The following CALN1 variants were observed in gnomAD, a reference collection of about 807,000 sequenced individuals.
The protein encoded by CALN1 is calcium-binding protein 8.
Under a neutral mutation model 30.6 loss-of-function variants are expected in CALN1, and 17 were observed. That is an observed-to-expected ratio of 0.56 (90% CI 0.38 to 0.83). The LOEUF is 0.83. Ranked by LOEUF, CALN1 falls within the 40% of genes least tolerant of loss-of-function variation. The pLI is 0.00. For missense variants in CALN1, 291 were observed against 354.9 expected (o/e 0.82, Z 1.45); for synonymous variants, 156 against 131.4 (o/e 1.19, Z -1.28).
chr7:72,068,332 C>A (rs192646840), intron 4 of CALN1, among the ~76,000 whole-genome samples: 16 of 152,264 alleles, frequency 1.1e-4, no homozygotes, highest in Admixed American at 7.8e-4. Flanking sequence ...CTAATATTTT[C>A]TTTTTATACC....
At chr7:72,166,168 G>C (rs1788510266) in intron 3 of CALN1, among the ~76,000 whole-genome samples, 1 of 152,130 alleles carries the variant, frequency 6.6e-6, no homozygotes, top group Non-Finnish European at 1.5e-5. Flanking sequence ...CTCAGGAGGT[G>C]AAGGTGTTTT....
chr7:72,074,522 C>T (rs1804605831), intron 4 of CALN1, among the ~76,000 whole-genome samples: 1 of 152,202 alleles, frequency 6.6e-6, no homozygotes, highest in Admixed American at 6.5e-5. Context: ...ATTCTCCTGC[C>T]TCAGCCTCCT....
chr7:71,955,161 C>T (rs1447152682), intron 5 of CALN1, among the ~76,000 whole-genome samples: 1 of 151,968 alleles, frequency 6.6e-6, no homozygotes, highest in Non-Finnish European at 1.5e-5. Context: ...TGGCGGCAGG[C>T]AGGAGAGAGT....
chr7:72,322,120 G>T (rs922634382), intron 2 of CALN1, among the ~76,000 whole-genome samples: 2 of 152,124 alleles, frequency 1.3e-5, no homozygotes, highest in Non-Finnish European at 2.9e-5. Context: ...CCATCATGTA[G>T]AATCAGTGGG....
intron 5 of CALN1, among the ~76,000 whole-genome samples, chr7:71,922,005 T>C (rs1443803762): frequency 6.6e-6 from 1 of 152,168 alleles, no homozygotes; most frequent in Non-Finnish European, 1.5e-5. Context: ...TCTTACTGAG[T>C]GGCCGTTATG....
intron 3 of CALN1, among the ~76,000 whole-genome samples, chr7:72,213,390 G>A (rs1792549384): frequency 6.6e-6 from 1 of 152,160 alleles, no homozygotes; most frequent in Non-Finnish European, 1.5e-5. Flanking sequence ...GGTCAGAGAA[G>A]GCACATCTAC....
intron 4 of CALN1, among the ~76,000 whole-genome samples, chr7:72,066,645 T>C (rs1039340190): frequency 5.9e-5 from 9 of 152,128 alleles, no homozygotes; most frequent in Non-Finnish European, 1.2e-4. Flanking sequence ...CAGGGTCTCT[T>C]TCTGTCAATC....
At chr7:71,928,562 C>T (rs1385914410) in intron 5 of CALN1, among the ~76,000 whole-genome samples, 1 of 151,976 alleles carries the variant, frequency 6.6e-6, no homozygotes, top group African/African-American at 2.4e-5. Context: ...ATACAGAATG[C>T]CATTACTTTT....
rs927938029 is a variant in CALN1, at chr7:71,781,841, T to C, written c.*5934A>G. Reference sequence around the variant, plus strand: ...ACCCCAAGGTCAGGGTAGGGGCAGGTGGCCGGGCAAGCTTTTCCACTTTCA... The same window carrying C: ...ACCCCAAGGTCAGGGTAGGGGCAGGCGGCCGGGCAAGCTTTTCCACTTTCA... On this transcript the variant is annotated 3_prime_UTR_variant, in exon 7 of 7. Coordinates refer to ENST00000395275, the MANE Select transcript of CALN1 (RefSeq NM_031468.4). 2.0e-5 allele frequency: 3 copies of C among 152,158 alleles called. No homozygotes were observed. Among genetic ancestry groups the C allele is most frequent in the African/African-American group, 7.2e-5 (3 of 41,440 alleles). The allele number at this position is 152,158 out of a possible 1,614,324, so 9.4% of individuals were successfully genotyped here.
intron 5 of CALN1, among the ~76,000 whole-genome samples, chr7:71,986,174 A>G (rs1425013200): frequency 1.3e-5 from 2 of 151,974 alleles, no homozygotes; most frequent in African/African-American, 4.8e-5. Flanking sequence ...CAGCCTCCCG[A>G]GCAGCTGGGA....
chr7:71,924,711 T>C (rs1795170173), intron 5 of CALN1, among the ~76,000 whole-genome samples: 1 of 152,204 alleles, frequency 6.6e-6, no homozygotes, highest in South Asian at 2.1e-4. Context: ...ATGATGTCTA[T>C]CTTCAAATAA....
At chr7:72,398,688 AAAG>A (rs1806134157) in intron 2 of CALN1, among the ~76,000 whole-genome samples, 1 of 152,340 alleles carries the variant, frequency 6.6e-6, no homozygotes, top group East Asian at 1.9e-4. Flanking sequence ...GACAAGAAGT[AAAG>A]AAGTGAAGGA....
At chr7:71,903,344 T>C (rs1463110986) in intron 5 of CALN1, among the ~76,000 whole-genome samples, 1 of 152,058 alleles carries the variant, frequency 6.6e-6, no homozygotes, top group Non-Finnish European at 1.5e-5. Flanking sequence ...GTTATTGGCA[T>C]AAAAATAGAC....
At chr7:72,158,967 C>T (rs959506848) in intron 3 of CALN1, among the ~76,000 whole-genome samples, 32 of 152,142 alleles carry the variant, frequency 2.1e-4, no homozygotes, top group Non-Finnish European at 4.6e-4. Context: ...ATTCTCCTGC[C>T]TCAGCCTCCT....
intron 1 of CALN1, among the ~76,000 whole-genome samples, chr7:72,443,373 A>G (rs1585735889): frequency 6.6e-6 from 1 of 152,214 alleles, no homozygotes; most frequent in South Asian, 2.1e-4. Context: ...GTTGCTAAAA[A>G]TCCTTCAATG....
At chr7:72,365,319 C>A (rs932627287) in intron 2 of CALN1, among the ~76,000 whole-genome samples, 9 of 152,022 alleles carry the variant, frequency 5.9e-5, no homozygotes, top group Non-Finnish European at 1.2e-4. Flanking sequence ...GGTGACAGAG[C>A]AAGACCTTGT....
intron 5 of CALN1, among the ~76,000 whole-genome samples, chr7:71,903,052 CT>C (rs58845319): frequency 1.9e-4 from 29 of 151,432 alleles, no homozygotes; most frequent in African/African-American, 7.0e-4. Flanking sequence ...AAAATTTTTA[CT>C]TTTTTTTAAA....
intron 3 of CALN1, among the ~76,000 whole-genome samples, chr7:72,125,024 G>C (rs1044370016): frequency 6.6e-6 from 1 of 151,864 alleles, no homozygotes; most frequent in Non-Finnish European, 1.5e-5. Flanking sequence ...CATGGTTTTT[G>C]TTTTGCTTTG....
At chr7:72,009,767 T>C (rs562755794) in intron 5 of CALN1, among the ~76,000 whole-genome samples, 345 of 152,288 alleles carry the variant, frequency 2.3e-3, no homozygotes, top group African/African-American at 7.0e-3. Flanking sequence ...CATTTGGCTC[T>C]CATTCTCTCT....
Sources: gnomAD v4.1 joint callset for allele counts (sites outside exome capture counted in the v4.1 genomes callset) on GRCh38, gnomAD v4.1.1 for gene constraint, MANE v1.5 for transcripts, NCBI Gene and HGNC (gene_info 2026-07-23, HGNC 2026-07-21) for gene names.